The following SLC45A4 variants were observed in gnomAD, a reference collection of about 807,000 sequenced individuals.
SLC45A4 encodes the protein solute carrier family 45 member 4, also known as polyamine-transporter SLC45A4.
Under a neutral mutation model 63.7 loss-of-function variants are expected in SLC45A4, and 32 were observed. The observed-to-expected ratio is 0.50, with a 90% CI of 0.38 to 0.67. SLC45A4 has a LOEUF of 0.67. SLC45A4 is among the 30% of genes least tolerant of loss of function. The pLI is 0.00. For missense variants in SLC45A4, 1,027 were observed against 1,157.7 expected (o/e 0.89, Z 1.64); for synonymous variants, 535 against 510.0 (o/e 1.05, Z -0.66).
intron 2 of SLC45A4, among the ~76,000 whole-genome samples, chr8:141,233,679 T>A (rs1827479550): frequency 6.6e-6 from 1 of 151,920 alleles, no homozygotes; most frequent in Non-Finnish European, 1.5e-5. Context: ...AGAGTGAGAC[T>A]GTCTCACAAT....
At position 141,230,628 on chromosome 8, in the gene SLC45A4, C is replaced by T. The variant is rs529118177; in HGVS notation, c.242-8863G>A. Among the ~76,000 whole-genome samples, 12 of 152,332 alleles carry T rather than the reference C, an allele frequency of 7.9e-5. No individual in the cohort carries two copies. The South Asian group carries it at 1.7e-3, about 21-fold the overall frequency. ...CCAGGCCAGTGCTGCCTCTGCCGCC[C>T]GGCCTTGCTGCCCGAGCGCACGCTG... is the stretch of plus-strand genomic sequence containing the variant. On this transcript the variant is annotated intron_variant, in intron 2 of 8. Transcript: ENST00000517878.
intron 1 of SLC45A4, among the ~76,000 whole-genome samples, chr8:141,287,595 C>T (rs1169703737): frequency 6.6e-6 from 1 of 152,224 alleles, no homozygotes; most frequent in Non-Finnish European, 1.5e-5. Flanking sequence ...TGAACACTAG[C>T]ATGTATTTAG....
At chr8:141,297,863 C>T (rs1830615384) in intron 1 of SLC45A4, among the ~76,000 whole-genome samples, 1 of 151,626 alleles carries the variant, frequency 6.6e-6, no homozygotes, top group Admixed American at 6.6e-5. Context: ...CATTTCATTT[C>T]AGGAAAAGTT....
rs571216439 is a variant in SLC45A4, at chr8:141,241,869, C to T, written c.241+12120G>A. On this transcript the variant is annotated intron_variant, in intron 2 of 8. Coordinates refer to ENST00000517878, the MANE Select transcript of SLC45A4 (RefSeq NM_001286646.2). Reference sequence around the variant, plus strand: ...TGGAATCAAGGATTCAGGTCCCATCCTGGCCAGGCAGAAGTGGGGGCAGGG... The same window carrying T: ...TGGAATCAAGGATTCAGGTCCCATCTTGGCCAGGCAGAAGTGGGGGCAGGG... Among the ~76,000 whole-genome samples, 8 of 152,352 alleles carry T rather than the reference C, an allele frequency of 5.3e-5. No homozygotes were observed. The South Asian group carries it at 1.7e-3, about 32-fold the overall frequency.
chr8:141,212,210 T>C lies in SLC45A4; in HGVS notation c.2288A>G (p.Glu763Gly), dbSNP rs1272968700. 7.3e-7 allele frequency: 1 copy of C among 1,362,196 alleles called. No individual in the cohort carries two copies. The highest frequency in any genetic ancestry group is 9.7e-7 in the Non-Finnish European group (1 of 1,031,200). 84.4% of individuals were successfully genotyped at this position (1,362,196 alleles called of 1,614,324 possible). ...TGCGGCTCAGACCACGGACTCTGTC[T>C]CCACCGGTCCCTGCAGGCCCTCCTT... ...TRKEGLQGPV[E>G]TESVTPAGID... is the part of the protein sequence containing the mutation. Residue 763 changes from glutamate (E) to glycine (G), a missense_variant, in exon 8 of 9, where the codon GAG (glutamate) becomes GGG (glycine). Glu to Gly is a moderately conservative substitution (Grantham distance 98). Transcript: ENST00000517878.
chr8:141,234,646 G>A (rs573906244), intron 2 of SLC45A4, among the ~76,000 whole-genome samples: 9 of 152,314 alleles, frequency 5.9e-5, no homozygotes, highest in South Asian at 2.1e-4. Context: ...TCTGCCTGCC[G>A]TGGGATATTC....
chr8:141,278,517 G>A lies in SLC45A4; in HGVS notation c.-400-23888C>T, dbSNP rs544719286. 9.9e-5 allele frequency among the ~76,000 whole-genome samples: 15 copies of A among 151,678 alleles called. No individual in the cohort carries two copies. The highest frequency in any genetic ancestry group is 3.6e-4 in the African/African-American group (15 of 41,418). On this transcript the variant is annotated intron_variant, in intron 1 of 8. Coordinates refer to ENST00000517878, the MANE Select transcript of SLC45A4 (RefSeq NM_001286646.2). The surrounding 1 kb of genome is among the most constrained non-coding windows in gnomAD (Gnocchi z 4.1). ...CACCTGTGGTGGAGGCGGGGCGGGC[G>A]GCCGACCCACGAGGACACTGGTGAG...
intron 8 of SLC45A4, 152 bp downstream of exon 8, chr8:141,212,045 G>A: frequency 7.3e-7 from 1 of 1,361,864 alleles, no homozygotes; most frequent in Non-Finnish European, 9.4e-7. Flanking sequence ...GTGGCTATGG[G>A]GGCGGAGGGG....
chr8:141,256,089 C>T lies in SLC45A4; in HGVS notation c.-400-1460G>A, dbSNP rs1474844208. Among the ~76,000 whole-genome samples the T allele has an allele frequency of 1.3e-5, 2 of 152,170 alleles. No individual in the cohort carries two copies. Among genetic ancestry groups the T allele is most frequent in the Non-Finnish European group, 2.9e-5 (2 of 68,034 alleles). On this transcript the variant is annotated intron_variant, in intron 1 of 8. Coordinates refer to ENST00000517878, the MANE Select transcript of SLC45A4 (RefSeq NM_001286646.2). The surrounding 1 kb of genome is among the most constrained non-coding windows in gnomAD (Gnocchi z 4.3). ...CCCAGCTTGGTGACAAATTCCCCAC[C>T]TGGGCAAACACATACAATAAAGCAG...
chr8:141,285,264 C>T (rs896993238), intron 1 of SLC45A4, among the ~76,000 whole-genome samples: 1 of 152,248 alleles, frequency 6.6e-6, no homozygotes, highest in African/African-American at 2.4e-5. Context: ...ACCCCAGCGG[C>T]CATCCTCGGG....
At chr8:141,219,902 C>T in intron 3 of SLC45A4, 73 bp from the exon 4 acceptor site, 1 of 1,405,004 alleles carries the variant, frequency 7.1e-7, no homozygotes, top group South Asian at 1.4e-5. Context: ...CAAACAGCCA[C>T]ATGGAAGGGG....
intron 1 of SLC45A4, among the ~76,000 whole-genome samples, chr8:141,299,657 A>AC (rs2154615431): frequency 1.3e-5 from 2 of 152,342 alleles, no homozygotes; most frequent in East Asian, 3.9e-4. Context: ...GCAACACGAA[A>AC]AAAACCACTA....
chr8:141,254,663 CAG>C lies in SLC45A4; in HGVS notation c.-400-36_-400-35del. 1.4e-6 allele frequency: 1 copy of C among 696,806 alleles called. No homozygotes were observed. Among genetic ancestry groups the C allele is most frequent in the Non-Finnish European group, 2.6e-6 (1 of 381,722 alleles). The allele number at this position is 696,806 out of a possible 1,614,324, so 43.2% of individuals were successfully genotyped here. A position where few individuals can be genotyped will look rare whatever the true frequency, so the allele number is the denominator to read the frequency against. ...GAGGAAAACAACCCGGCCAGAGAGT[CAG>C]GGGACGGCCACCAGATGGCCCTGTG... On this transcript the variant is annotated intron_variant, in intron 1 of 8. Coordinates refer to ENST00000517878, the MANE Select transcript of SLC45A4 (RefSeq NM_001286646.2). This position sits in a 1 kb window ranked among gnomAD's most constrained non-coding sequence, Gnocchi z 4.5.
rs531737518 is a variant in SLC45A4 at position 141,250,961 on chromosome 8, G to A, written c.241+3028C>T. On this transcript the variant is annotated intron_variant, in intron 2 of 8. Transcript: ENST00000517878. ...ATGAAAATTCCAAGGTGTTGTGGAA[G>A]TATTAGGGTTTTCAAAGCCACAATA... is the stretch of plus-strand genomic sequence containing the variant. Among the ~76,000 whole-genome samples, 31 of 152,328 alleles carry A rather than the reference G, an allele frequency of 2.0e-4. No individual in the cohort carries two copies. In the East Asian group the frequency reaches 5.4e-3, roughly 27 times the overall value.
Position 141,215,946 on chromosome 8 carries a change from T to C in SLC45A4, c.1754A>G (p.Asn585Ser), listed in dbSNP as rs2154613980. Residue 585 changes from asparagine to serine, a missense_variant, in exon 7 of 9, where the codon AAC (asparagine) becomes AGC (serine). Transcript: ENST00000517878. The surrounding 1 kb of genome is among the most constrained non-coding windows in gnomAD (Gnocchi z 4.3). Reference sequence around the variant, plus strand: ...GATCACCCTGACGCTCAGGTCGTAGTTGTCCAAGTACTTCTGTAACAGGGC... The same window carrying C: ...GATCACCCTGACGCTCAGGTCGTAGCTGTCCAAGTACTTCTGTAACAGGGC... ...CSALLQKYLDNYDLSVRVIYV... is the reference protein window; with the variant it reads ...CSALLQKYLDSYDLSVRVIYV... 1 of 1,613,900 alleles carries C rather than the reference T, an allele frequency of 6.2e-7. No homozygotes were observed. The highest frequency in any genetic ancestry group is 1.1e-5 in the South Asian group (1 of 91,072).
At chr8:141,279,455 C>T (rs1829853968) in intron 1 of SLC45A4, among the ~76,000 whole-genome samples, 1 of 152,278 alleles carries the variant, frequency 6.6e-6, no homozygotes, top group African/African-American at 2.4e-5. Flanking sequence ...TACCCCCATT[C>T]TTACGTCTGT....
At chr8:141,261,351 T>C (rs1193751970) in intron 1 of SLC45A4, among the ~76,000 whole-genome samples, 3 of 152,086 alleles carry the variant, frequency 2.0e-5, no homozygotes, top group Admixed American at 6.5e-5. Context: ...CTATTCAACA[T>C]AGTGTTGGAA....
intron 1 of SLC45A4, among the ~76,000 whole-genome samples, chr8:141,276,766 T>G (rs1171019009): frequency 6.6e-6 from 1 of 152,240 alleles, no homozygotes; most frequent in Non-Finnish European, 1.5e-5. Flanking sequence ...GGACATGGTC[T>G]GCTACAGGCC....
At position 141,218,934 on chromosome 8, in the gene SLC45A4, A is replaced by C; in HGVS notation, c.706T>G (p.Phe236Val). Residue 236 changes from phenylalanine to valine, a missense_variant, in exon 5 of 9, where the codon TTC (phenylalanine) becomes GTC (valine). Transcript: ENST00000517878. ...ACCGTGAAGATGATGGCGGCAAAGA[A>C]GAAGAGCACCTGGTTCTGGGTCCGG... is the stretch of plus-strand genomic sequence containing the variant. ...WFRTQNQVLFFFAAIIFTVSV... is the reference protein window; with the variant it reads ...WFRTQNQVLFVFAAIIFTVSV... The C allele has an allele frequency of 6.2e-7, 1 of 1,613,772 alleles. No individual in the cohort carries two copies. The highest frequency in any genetic ancestry group is 8.5e-7 in the Non-Finnish European group (1 of 1,179,942).
Sources: allele counts gnomAD v4.1 joint callset (sites outside exome capture counted in the v4.1 genomes callset), GRCh38; gene constraint gnomAD v4.1.1; non-coding constraint Gnocchi (gnomAD v3.1); transcripts MANE v1.5; gene names NCBI Gene and HGNC (gene_info 2026-07-23, HGNC 2026-07-21).